Variants in LRP1B observed in about 807,000 individuals in gnomAD.
LRP1B encodes LDL receptor related protein 1B, also known as low-density lipoprotein receptor-related protein 1B.
In LRP1B, 217 loss-of-function variants were observed where a neutral mutation model predicts 556.6. The observed-to-expected ratio is 0.39, with a 90% CI of 0.35 to 0.44. The LOEUF is 0.44. LRP1B is among the 20% of genes least tolerant of loss of function. The pLI is 1.00. For missense variants in LRP1B, 5,053 were observed against 5,620.8 expected (o/e 0.90, Z 3.23); for synonymous variants, 2,047 against 1,865.8 (o/e 1.10, Z -2.50).
chr2:141,172,416 A>G (rs1680538989), intron 7 of LRP1B, among the ~76,000 whole-genome samples: 2 of 152,104 alleles, frequency 1.3e-5, no homozygotes, highest in Admixed American at 1.3e-4. Context: ...TTACGTTATG[A>G]AAAATGCTAT....
chr2:141,788,768 T>G (rs1296040972), intron 2 of LRP1B, among the ~76,000 whole-genome samples: 2 of 142,554 alleles, frequency 1.4e-5, no homozygotes, highest in Non-Finnish European at 3.0e-5. Context: ...AATTCCCACC[T>G]ATGAGCGAGA....
chr2:140,859,370 G>A (rs1228794637), intron 27 of LRP1B, among the ~76,000 whole-genome samples: 1 of 152,086 alleles, frequency 6.6e-6, no homozygotes, highest in Non-Finnish European at 1.5e-5. Flanking sequence ...GAGTGAATTA[G>A]TGAGGGAGTA....
At chr2:141,106,525 G>A (rs1243519208) in intron 7 of LRP1B, among the ~76,000 whole-genome samples, 1 of 147,254 alleles carries the variant, frequency 6.8e-6, no homozygotes, top group Non-Finnish European at 1.5e-5. Context: ...CTTATCTGAA[G>A]AATTCAGAAG....
At chr2:141,050,673 A>G (rs911154677) in intron 10 of LRP1B, among the ~76,000 whole-genome samples, 1 of 152,150 alleles carries the variant, frequency 6.6e-6, no homozygotes, top group African/African-American at 2.4e-5. Flanking sequence ...CAAAACCATA[A>G]AAATCCTAGA....
In LRP1B at chr2:141,284,998, A is replaced by G. The variant is rs186001773; in HGVS notation, c.344-30357T>C. ...TGTCAATTTCTACAAAAAATTATAC[A>G]TTTAACATTGTATTCAGGGACTTCA... On this transcript the variant is annotated intron_variant, in intron 3 of 90. Coordinates refer to ENST00000389484, the MANE Select transcript of LRP1B (RefSeq NM_018557.3). 5.9e-3 allele frequency among the ~76,000 whole-genome samples: 901 copies of G among 152,298 alleles called. 10 individuals carry two copies. The highest frequency in any genetic ancestry group is 0.018 in the African/African-American group (768 of 41,566).
At chr2:141,342,212 C>G (rs1688089642) in intron 3 of LRP1B, among the ~76,000 whole-genome samples, 1 of 145,704 alleles carries the variant, frequency 6.9e-6, no homozygotes, top group Non-Finnish European at 1.5e-5. Context: ...CCACCGCACT[C>G]CAGCCAGGGT....
intron 3 of LRP1B, among the ~76,000 whole-genome samples, chr2:141,428,682 G>C (rs569322277): frequency 4.6e-5 from 7 of 152,192 alleles, no homozygotes; most frequent in Middle Eastern, 6.8e-3. Flanking sequence ...TCTATATAAA[G>C]AGACAAAACC....
intron 2 of LRP1B, among the ~76,000 whole-genome samples, chr2:141,686,209 T>G (rs1346645103): frequency 6.6e-6 from 1 of 152,026 alleles, no homozygotes; most frequent in Non-Finnish European, 1.5e-5. Flanking sequence ...ACCACTACTT[T>G]AAAATAAAGG....
chr2:140,356,801 T>C (rs900263604), intron 74 of LRP1B, among the ~76,000 whole-genome samples: 2 of 151,788 alleles, frequency 1.3e-5, no homozygotes, highest in African/African-American at 4.8e-5. Context: ...TAGTACGATA[T>C]ATGAGTACTA....
intron 7 of LRP1B, among the ~76,000 whole-genome samples, chr2:141,154,804 A>C (rs1702024557): frequency 6.6e-6 from 1 of 151,838 alleles, no homozygotes; most frequent in Non-Finnish European, 1.5e-5. Flanking sequence ...CCCTACAGCT[A>C]CTGCTTTAGG....
At chr2:141,165,623 CCATAT>C (rs1260263348) in intron 7 of LRP1B, among the ~76,000 whole-genome samples, 2 of 151,790 alleles carry the variant, frequency 1.3e-5, no homozygotes, top group Non-Finnish European at 2.9e-5. Context: ...TCATTCTCAA[CCATAT>C]AATATGAAAT....
intron 3 of LRP1B, among the ~76,000 whole-genome samples, chr2:141,340,811 T>G (rs1180136209): frequency 6.6e-6 from 1 of 152,156 alleles, no homozygotes; most frequent in Admixed American, 6.5e-5. Flanking sequence ...ACTTAAATAG[T>G]TTTGCCTCTG....
At chr2:140,847,604 T>C (rs944447387) in intron 29 of LRP1B, among the ~76,000 whole-genome samples, 3 of 151,866 alleles carry the variant, frequency 2.0e-5, no homozygotes, top group Non-Finnish European at 4.4e-5. Flanking sequence ...CCATCTCTAC[T>C]AAAAACACAA....
At chr2:141,201,319 G>A (rs895148998) in intron 6 of LRP1B, among the ~76,000 whole-genome samples, 3 of 152,112 alleles carry the variant, frequency 2.0e-5, no homozygotes, top group Non-Finnish European at 4.4e-5. Flanking sequence ...CGTTAAAACT[G>A]CCACATCTTT....
At chr2:141,995,449 G>A (rs983045280) in intron 1 of LRP1B, among the ~76,000 whole-genome samples, 1 of 152,034 alleles carries the variant, frequency 6.6e-6, no homozygotes, top group Non-Finnish European at 1.5e-5. Context: ...AGCGGCCCCT[G>A]TGATTACATT....
Position 140,313,530 on chromosome 2 carries a change from CCTAAATATTT to C in LRP1B, c.12805+1395_12805+1404del, listed in dbSNP as rs560902520. On this transcript the variant is annotated intron_variant, in intron 83 of 90. Coordinates refer to ENST00000389484, the MANE Select transcript of LRP1B (RefSeq NM_018557.3). The stretch of plus-strand genomic sequence containing the variant: ...TTGGAATTCCAAATTGTTTACTTGG[CCTAAATATTT>C]CTAAATATAAATATAGATAAATCAT... Among the ~76,000 whole-genome samples the C allele has an allele frequency of 5.8e-3, 880 of 151,742 alleles. 8 individuals are homozygous for C. Among genetic ancestry groups the C allele is most frequent in the African/African-American group, 0.02 (849 of 41,444 alleles).
chr2:141,261,123 G>A (rs932535515), intron 3 of LRP1B, among the ~76,000 whole-genome samples: 2 of 152,138 alleles, frequency 1.3e-5, no homozygotes, highest in African/African-American at 4.8e-5. Flanking sequence ...GTGATAATTT[G>A]TGTCACATCA....
chr2:141,593,885 T>G (rs570949708), intron 2 of LRP1B, among the ~76,000 whole-genome samples: 1 of 152,154 alleles, frequency 6.6e-6, no homozygotes, highest in Admixed American at 6.5e-5. Flanking sequence ...CCAAAGCCTG[T>G]CATCAGCTGT....
At chr2:140,956,093 G>A (rs1695864349) in intron 18 of LRP1B, among the ~76,000 whole-genome samples, 1 of 151,544 alleles carries the variant, frequency 6.6e-6, no homozygotes, top group Non-Finnish European at 1.5e-5. Flanking sequence ...ATCTTCACCT[G>A]AAAAAGACAA....
Sources: gnomAD v4.1 joint callset for allele counts (sites outside exome capture counted in the v4.1 genomes callset) on GRCh38, gnomAD v4.1.1 for gene constraint, MANE v1.5 for transcripts, NCBI Gene and HGNC (gene_info 2026-07-23, HGNC 2026-07-21) for gene names.